The following ABCA13 variants were observed in gnomAD, a reference collection of about 807,000 sequenced individuals.
ABCA13 encodes ATP-binding cassette sub-family A member 13.
ABCA13 carries 476 observed loss-of-function variants against 478.7 expected under a neutral mutation model. That is an observed-to-expected ratio of 0.99 (90% CI 0.92 to 1.07). The LOEUF (loss-of-function observed/expected upper bound fraction) is 1.07, where lower values mean the gene tolerates loss of function less well. ABCA13 is among the 50% of genes least tolerant of loss of function. The probability of loss-of-function intolerance (pLI) is 0.00; values close to 1 mark genes in which losing one functional copy is unlikely to be tolerated. For synonymous variants in ABCA13, 2,252 were observed against 2,158.9 expected (o/e 1.04, Z -1.20); for missense variants, 6,060 against 5,910.6 (o/e 1.03, Z -0.83).
chr7:48,354,791 G>T (rs546668770), intron 31 of ABCA13, among the ~76,000 whole-genome samples: 2 of 151,924 alleles, frequency 1.3e-5, no homozygotes, highest in Admixed American at 6.6e-5. Context: ...TTTCTTGAGG[G>T]CTTAGAGTAC....
In ABCA13 at chr7:48,640,444, A is replaced by T. The variant is rs78652921; in HGVS notation, c.14838-2844A>T. Among the ~76,000 whole-genome samples, 119 of 152,310 alleles carry T rather than the reference A, an allele frequency of 7.8e-4. 3 individuals are homozygous for T. The East Asian group carries it at 0.021, about 27-fold the overall frequency. ...CTTCTGTTTTAGCATTAATTAATAT[A>T]TTACATTTAATGTTTGTGGTTCCAA... On this transcript the variant is annotated intron_variant, in intron 59 of 61. Transcript: ENST00000435803.
At chr7:48,553,691 T>C (rs1785526916) in intron 55 of ABCA13, among the ~76,000 whole-genome samples, 1 of 152,106 alleles carries the variant, frequency 6.6e-6, no homozygotes, top group Non-Finnish European at 1.5e-5. Context: ...TTTGAACTTG[T>C]TATGTATTCT....
At chr7:48,471,412 G>A in intron 44 of ABCA13, 118 bp from the exon 45 acceptor site, 1 of 867,378 alleles carries the variant, frequency 1.2e-6, no homozygotes, top group Non-Finnish European at 1.8e-6. Context: ...TGCCTTCTCG[G>A]CAGTGGGAGA....
chr7:48,298,921 T>TGA, intron 23 of ABCA13, among the ~76,000 whole-genome samples: 1 of 152,322 alleles, frequency 6.6e-6, no homozygotes, highest in African/African-American at 2.4e-5. Flanking sequence ...GGGCACAGTC[T>TGA]GACTATGTGC....
chr7:48,239,115 C>A, intron 8 of ABCA13, 126 bp from the exon 9 acceptor site: 1 of 953,474 alleles, frequency 1.0e-6, no homozygotes, highest in Non-Finnish European at 1.6e-6. Context: ...TAGATATCAT[C>A]ACTTACTTCT....
At chr7:48,339,754 T>C (rs1042658316) in intron 29 of ABCA13, among the ~76,000 whole-genome samples, 1 of 152,242 alleles carries the variant, frequency 6.6e-6, no homozygotes, top group Non-Finnish European at 1.5e-5. Context: ...TGCTTCCGCC[T>C]GACGCTAGAG....
At chr7:48,645,348 C>G in intron 61 of ABCA13, 69 bp from the exon 62 acceptor site, 1 of 1,267,352 alleles carries the variant, frequency 7.9e-7, no homozygotes, top group Middle Eastern at 1.8e-4. Context: ...GACAATGTCT[C>G]CTTTCTAATA....
chr7:48,233,772 A>G (rs920642423), intron 7 of ABCA13, among the ~76,000 whole-genome samples: 7 of 152,200 alleles, frequency 4.6e-5, no homozygotes, highest in South Asian at 2.1e-4. Flanking sequence ...CTCTTGAAAT[A>G]TGTTTTAAAA....
intron 42 of ABCA13, among the ~76,000 whole-genome samples, chr7:48,438,644 G>C (rs1398776235): frequency 3.3e-5 from 5 of 150,192 alleles, no homozygotes; most frequent in Admixed American, 6.7e-5. Context: ...TTAACCTGTT[G>C]AGGCTGAAAC....
At chr7:48,217,424 A>C (rs971985948) in intron 3 of ABCA13, among the ~76,000 whole-genome samples, 15 of 152,180 alleles carry the variant, frequency 9.9e-5, no homozygotes, top group African/African-American at 3.4e-4. Context: ...TTATGCTGAA[A>C]ATGCACATAT....
At chr7:48,477,228 AG>A (rs1364320379) in intron 45 of ABCA13, among the ~76,000 whole-genome samples, 12 of 152,144 alleles carry the variant, frequency 7.9e-5, no homozygotes, top group African/African-American at 2.9e-4. Flanking sequence ...ATCATTAAAA[AG>A]TCAGGAAACA....
intron 42 of ABCA13, among the ~76,000 whole-genome samples, chr7:48,438,408 A>C (rs191747465): frequency 5.4e-4 from 82 of 152,144 alleles, no homozygotes; most frequent in Admixed American, 4.5e-3. Flanking sequence ...TTGTTTATTT[A>C]GTGTTTCCAT....
intron 13 of ABCA13, among the ~76,000 whole-genome samples, chr7:48,246,968 C>T (rs1386090849): frequency 6.6e-6 from 1 of 152,054 alleles, no homozygotes; most frequent in African/African-American, 2.4e-5. Context: ...GGCATAGTAG[C>T]TCATGCCTGT....
At chr7:48,621,428 A>T (rs1479890547) in intron 59 of ABCA13, among the ~76,000 whole-genome samples, 1 of 152,140 alleles carries the variant, frequency 6.6e-6, no homozygotes, top group Non-Finnish European at 1.5e-5. Context: ...TAGGAGATAA[A>T]ATATGAGGGC....
chr7:48,385,291 C>G (rs1394181076), intron 35 of ABCA13, among the ~76,000 whole-genome samples: 1 of 152,166 alleles, frequency 6.6e-6, no homozygotes, highest in African/African-American at 2.4e-5. Flanking sequence ...TCTCCCTTCT[C>G]TCACCCTTCA....
intron 55 of ABCA13, among the ~76,000 whole-genome samples, chr7:48,534,211 GTA>G (rs1833422819): frequency 6.6e-6 from 1 of 152,122 alleles, no homozygotes; most frequent in Non-Finnish European, 1.5e-5. Flanking sequence ...GTAAAAGACT[GTA>G]TCTTTCCTTC....
chr7:48,492,951 G>A (rs1035536762), intron 48 of ABCA13, among the ~76,000 whole-genome samples: 1 of 152,034 alleles, frequency 6.6e-6, no homozygotes, highest in African/African-American at 2.4e-5. Flanking sequence ...GCTTGAACCC[G>A]GGAGGCAGAG....
At chr7:48,399,484 T>C (rs1387699856) in intron 38 of ABCA13, among the ~76,000 whole-genome samples, 1 of 152,118 alleles carries the variant, frequency 6.6e-6, no homozygotes, top group African/African-American at 2.4e-5. Context: ...GTAGAGTGCA[T>C]GCACAGAAGG....
chr7:48,519,358 A>G (rs1395954579), intron 52 of ABCA13, among the ~76,000 whole-genome samples: 1 of 152,208 alleles, frequency 6.6e-6, no homozygotes, highest in Non-Finnish European at 1.5e-5. Flanking sequence ...TTCTGGTTCT[A>G]GATCTTTGAG....
Sources: allele counts gnomAD v4.1 joint callset (sites outside exome capture counted in the v4.1 genomes callset), GRCh38; gene constraint gnomAD v4.1.1; transcripts MANE v1.5; gene names NCBI Gene and HGNC (gene_info 2026-07-23, HGNC 2026-07-21).